The following BMPER variants were observed in gnomAD, a reference collection of about 807,000 sequenced individuals.
The protein encoded by BMPER is BMP binding endothelial regulator.
BMPER carries 45 observed loss-of-function variants against 87.3 expected under a neutral mutation model. The ratio of observed to expected loss-of-function variants is 0.52; its 90% CI spans 0.41 to 0.66. The LOEUF (loss-of-function observed/expected upper bound fraction) is 0.66, where lower values mean the gene tolerates loss of function less well. Among genes scored for constraint, BMPER ranks in the 30% least tolerant of loss-of-function variants. The pLI, the probability that BMPER is intolerant of heterozygous loss-of-function variation, is 0.00. For missense variants in BMPER, 784 were observed against 867.5 expected (o/e 0.90, Z 1.21); for synonymous variants, 326 against 316.2 (o/e 1.03, Z -0.33).
intron 6 of BMPER, among the ~76,000 whole-genome samples, chr7:33,988,301 A>G (rs1786072656): frequency 6.6e-6 from 1 of 152,158 alleles, no homozygotes; most frequent in South Asian, 2.1e-4. Context: ...AAGTTCAACA[A>G]CAGGAGAGGG....
chr7:33,909,680 C>CAA (rs60327948), intron 2 of BMPER, among the ~76,000 whole-genome samples: 9 of 53,420 alleles, frequency 1.7e-4, no homozygotes, highest in African/African-American at 3.4e-4. Context: ...ATAACATGTA[C>CAA]AAAAAAAAAA....
At chr7:34,127,629 A>G (rs938054187) in intron 13 of BMPER, among the ~76,000 whole-genome samples, 1 of 152,068 alleles carries the variant, frequency 6.6e-6, no homozygotes, top group Admixed American at 6.6e-5. Flanking sequence ...GCTCCTTTCT[A>G]CTACCGGCTT....
chr7:33,915,214 C>T (rs776541376), intron 2 of BMPER, among the ~76,000 whole-genome samples: 2 of 152,070 alleles, frequency 1.3e-5, no homozygotes, highest in African/African-American at 2.4e-5. Flanking sequence ...ATGCTTTTTG[C>T]AAACGTCATT....
At chr7:34,031,580 A>C (rs1193194296) in intron 6 of BMPER, among the ~76,000 whole-genome samples, 24 of 151,894 alleles carry the variant, frequency 1.6e-4, no homozygotes, top group Non-Finnish European at 1.9e-4. Context: ...AAAAGTCACC[A>C]CAGCTCTGTA....
At chr7:33,956,965 A>T (rs554282509) in intron 3 of BMPER, among the ~76,000 whole-genome samples, 10 of 152,246 alleles carry the variant, frequency 6.6e-5, no homozygotes, top group African/African-American at 2.2e-4. Flanking sequence ...AGACGTGGAA[A>T]ATCTCTCATA....
chr7:33,986,277 G>T (rs916996355), intron 6 of BMPER, among the ~76,000 whole-genome samples: 3 of 151,988 alleles, frequency 2.0e-5, no homozygotes, highest in African/African-American at 7.3e-5. Flanking sequence ...TTCTCATTTG[G>T]GCTCCTCTGC....
chr7:33,986,788 G>T (rs1786022811), intron 6 of BMPER, among the ~76,000 whole-genome samples: 1 of 152,036 alleles, frequency 6.6e-6, no homozygotes, highest in African/African-American at 2.4e-5. Flanking sequence ...CAACAAAATA[G>T]GATAAAATAT....
At chr7:33,924,967 G>C (rs1784326537) in intron 2 of BMPER, among the ~76,000 whole-genome samples, 2 of 152,084 alleles carry the variant, frequency 1.3e-5, no homozygotes, top group South Asian at 2.1e-4. Flanking sequence ...CGGCCTAAAG[G>C]ATCTTTTTCT....
chr7:34,017,180 G>A (rs982498948), intron 6 of BMPER, among the ~76,000 whole-genome samples: 2 of 151,850 alleles, frequency 1.3e-5, no homozygotes, highest in East Asian at 3.9e-4. Context: ...AGTCTGGTTC[G>A]GTAGGTGTGT....
intron 11 of BMPER, among the ~76,000 whole-genome samples, chr7:34,066,565 CGGCTG>C (rs1197227651): frequency 1.3e-5 from 2 of 152,196 alleles, no homozygotes; most frequent in Admixed American, 6.5e-5. Flanking sequence ...GGACTTGCCT[CGGCTG>C]GGCACACATG....
chr7:34,155,678 G>T lies in BMPER; in HGVS notation c.*2405G>T, dbSNP rs1313101066. 2 of 152,148 alleles carry T rather than the reference G, an allele frequency of 1.3e-5. No individual in the cohort carries two copies. The highest frequency in any genetic ancestry group is 3.9e-4 in the East Asian group (2 of 5,188). The allele number at this position is 152,148 out of a possible 1,614,324, so 9.4% of individuals were successfully genotyped here. A position where few individuals can be genotyped will look rare whatever the true frequency, so the allele number is the denominator to read the frequency against. On this transcript the variant is annotated 3_prime_UTR_variant, in exon 15 of 15. Transcript: ENST00000649409. ...GGTGAGGAAATCAGCTGAATGGTTGGCCTGCATATTCTTTTTTAGGCCACA... is the reference window on the plus strand; with the variant it reads ...GGTGAGGAAATCAGCTGAATGGTTGTCCTGCATATTCTTTTTTAGGCCACA...
At chr7:34,108,995 T>C (rs1789893964) in intron 13 of BMPER, among the ~76,000 whole-genome samples, 1 of 152,190 alleles carries the variant, frequency 6.6e-6, no homozygotes, top group South Asian at 2.1e-4. Flanking sequence ...CAATATGATA[T>C]GTGTATATGT....
chr7:34,082,612 A>T (rs901982967), intron 12 of BMPER, among the ~76,000 whole-genome samples: 7 of 152,144 alleles, frequency 4.6e-5, no homozygotes, highest in African/African-American at 1.7e-4. Flanking sequence ...AGATGTCACG[A>T]GTTTTGAGAA....
intron 13 of BMPER, among the ~76,000 whole-genome samples, chr7:34,087,707 C>G (rs1392563199): frequency 6.6e-6 from 1 of 152,198 alleles, no homozygotes; most frequent in Non-Finnish European, 1.5e-5. Context: ...GGAAGCTCCT[C>G]TATCCTGTTT....
In BMPER at chr7:34,065,203, ACTCTCTCTCTCT is replaced by A. The variant is rs70997564; in HGVS notation, c.1078+3190_1078+3201del. ...CGGACACACACACACATACACACTCACTCTCTCTCTCTCTCTCTCTCTCTCTCTCTCTCTCTC... is the reference window on the plus strand; with the variant it reads ...CGGACACACACACACATACACACTCACTCTCTCTCTCTCTCTCTCTCTCTC... On this transcript the variant is annotated intron_variant, in intron 11 of 14. Transcript: ENST00000649409. Among the ~76,000 whole-genome samples, 580 of 97,350 alleles carry A rather than the reference ACTCTCTCTCTCT, an allele frequency of 6.0e-3. 2 individuals are homozygous for A. Among genetic ancestry groups the A allele is most frequent in the Middle Eastern group, 0.018 (2 of 114 alleles). 63.9% of individuals were successfully genotyped at this position (97,350 alleles called of 152,430 possible). A position where few individuals can be genotyped will look rare whatever the true frequency, so the allele number is the denominator to read the frequency against.
intron 6 of BMPER, among the ~76,000 whole-genome samples, chr7:33,975,934 G>A (rs1277080511): frequency 6.6e-6 from 1 of 151,922 alleles, no homozygotes; most frequent in Non-Finnish European, 1.5e-5. Context: ...TGGGGGAGAA[G>A]GAGGTAAAAA....
At chr7:34,022,385 C>T (rs559344411) in intron 6 of BMPER, among the ~76,000 whole-genome samples, 57 of 152,002 alleles carry the variant, frequency 3.7e-4, no homozygotes, top group East Asian at 1.8e-3. Context: ...AACCTCTTTC[C>T]GCATTTCTAC....
intron 13 of BMPER, among the ~76,000 whole-genome samples, chr7:34,097,831 G>C (rs1308635735): frequency 6.6e-6 from 1 of 152,086 alleles, no homozygotes; most frequent in African/African-American, 2.4e-5. Context: ...ACAGGGCTTA[G>C]GTTTCTTCTG....
At chr7:33,914,260 C>T (rs6952495) in intron 2 of BMPER, among the ~76,000 whole-genome samples, 64,903 of 152,032 alleles carry the variant, frequency 0.43, 14,389 homozygotes, top group East Asian at 0.61. Flanking sequence ...CCACCGCGCC[C>T]GGCCTTCAGC....
Sources: gnomAD v4.1 joint callset for allele counts (sites outside exome capture counted in the v4.1 genomes callset) on GRCh38, gnomAD v4.1.1 for gene constraint, MANE v1.5 for transcripts, NCBI Gene and HGNC (gene_info 2026-07-23, HGNC 2026-07-21) for gene names.